PIP5K1B: variants seen among roughly 807,000 people sequenced by gnomAD.
The protein encoded by PIP5K1B is phosphatidylinositol 4-phosphate 5-kinase type-1 beta.
PIP5K1B carries 42 observed loss-of-function variants against 67.0 expected under a neutral mutation model. The ratio of observed to expected loss-of-function variants is 0.63; its 90% CI spans 0.49 to 0.81. The LOEUF (loss-of-function observed/expected upper bound fraction) is 0.81, where lower values mean the gene tolerates loss of function less well. Ranked by LOEUF, PIP5K1B falls within the 30% of genes least tolerant of loss-of-function variation. The pLI is 0.00. For synonymous variants in PIP5K1B, 214 were observed against 231.4 expected (o/e 0.92, Z 0.68); for missense variants, 459 against 646.3 (o/e 0.71, Z 3.14).
intron 4 of PIP5K1B, among the ~76,000 whole-genome samples, chr9:68,846,946 AT>A (rs773305899): frequency 3.7e-4 from 56 of 152,202 alleles, no homozygotes; most frequent in Non-Finnish European, 5.7e-4. Flanking sequence ...TCTTTTATAT[AT>A]CAAGAAAAAA....
chr9:68,807,632 C>T (rs1832942080), intron 2 of PIP5K1B, among the ~76,000 whole-genome samples: 1 of 152,168 alleles, frequency 6.6e-6, no homozygotes, highest in African/African-American at 2.4e-5. Flanking sequence ...CAGGCTGCTA[C>T]AGGAACAAAG....
intron 2 of PIP5K1B, among the ~76,000 whole-genome samples, chr9:68,773,239 C>T (rs1195760689): frequency 6.6e-6 from 1 of 152,216 alleles, no homozygotes; most frequent in Non-Finnish European, 1.5e-5. Context: ...AGTTCCTCCA[C>T]CCCCTTGGCA....
At position 68,935,063 on chromosome 9, in the gene PIP5K1B, T is replaced by C. The variant is rs1371697000; in HGVS notation, c.1357+18T>C. On this transcript the variant is annotated intron_variant, in intron 13 of 15. Transcript: ENST00000265382. ...TGAAGAAGGTAAAGATATGTAACTT[T>C]TTTAAAAAGACAAACGTTCTTGTGA... is the stretch of plus-strand genomic sequence containing the variant. 3 of 1,602,630 alleles carry C rather than the reference T, an allele frequency of 1.9e-6. No individual in the cohort carries two copies. Among genetic ancestry groups the C allele is most frequent in the South Asian group, 1.1e-5 (1 of 89,056 alleles).
chr9:68,907,527 A>T (rs1825675303), intron 8 of PIP5K1B, among the ~76,000 whole-genome samples: 1 of 152,094 alleles, frequency 6.6e-6, no homozygotes, highest in Non-Finnish European at 1.5e-5. Flanking sequence ...ATTTTCCATC[A>T]CTTCTTTTAA....
intron 2 of PIP5K1B, among the ~76,000 whole-genome samples, chr9:68,787,639 CT>C (rs869067830): frequency 7.1e-6 from 1 of 140,464 alleles, no homozygotes; most frequent in Non-Finnish European, 1.6e-5. Context: ...ATCTTTCTTT[CT>C]TTTTTTTTCA....
At chr9:68,817,020 G>A (rs1287587418) in intron 2 of PIP5K1B, among the ~76,000 whole-genome samples, 4 of 152,166 alleles carry the variant, frequency 2.6e-5, no homozygotes, top group Non-Finnish European at 5.9e-5. Context: ...CTAGGACAGA[G>A]CTAATGTTTA....
chr9:68,929,581 T>A (rs1587682550), intron 12 of PIP5K1B, among the ~76,000 whole-genome samples: 1 of 152,146 alleles, frequency 6.6e-6, no homozygotes, highest in African/African-American at 2.4e-5. Context: ...TGGCTTTTGA[T>A]CCCACCACTC....
chr9:68,808,793 T>C (rs1833007282), intron 2 of PIP5K1B, among the ~76,000 whole-genome samples: 1 of 152,220 alleles, frequency 6.6e-6, no homozygotes, highest in Admixed American at 6.5e-5. Context: ...GCCCTGCAAT[T>C]TGTTTTGATT....
At chr9:68,873,657 T>C (rs887410247) in intron 5 of PIP5K1B, among the ~76,000 whole-genome samples, 6 of 152,130 alleles carry the variant, frequency 3.9e-5, no homozygotes, top group African/African-American at 1.4e-4. Context: ...ATGTGAAGTG[T>C]TTGGCTCAGG....
intron 1 of PIP5K1B, among the ~76,000 whole-genome samples, chr9:68,715,470 T>C (rs1002143463): frequency 2.6e-5 from 4 of 152,176 alleles, no homozygotes; most frequent in African/African-American, 9.7e-5. Context: ...CCCTTTGGAA[T>C]GTTCTCAGCA....
rs147940869 is a variant in PIP5K1B, at chr9:68,769,827, G to T, written c.-86+27170G>T. On this transcript the variant is annotated intron_variant, in intron 2 of 15. Transcript: ENST00000265382. ...GCATGACATTGCTTGCTTTCCTCTC[G>T]TTCTTCATGAAAATGCCTAGCAGGG... Among the ~76,000 whole-genome samples, 640 of 152,234 alleles carry T rather than the reference G, an allele frequency of 4.2e-3. 2 individuals carry two copies. Among genetic ancestry groups the T allele is most frequent in the Non-Finnish European group, 6.8e-3 (465 of 68,014 alleles).
chr9:68,792,266 C>T (rs552861621), intron 2 of PIP5K1B, among the ~76,000 whole-genome samples: 168 of 152,216 alleles, frequency 1.1e-3, no homozygotes, highest in Non-Finnish European at 2.1e-3. Flanking sequence ...ATTATAGTTA[C>T]GCAAATTTAT....
intron 12 of PIP5K1B, among the ~76,000 whole-genome samples, chr9:68,924,500 C>T (rs1242822581): frequency 6.6e-6 from 1 of 151,086 alleles, no homozygotes; most frequent in Non-Finnish European, 1.5e-5. Flanking sequence ...GCAAACTAAA[C>T]CCAAAGCTAA....
rs527449391 is a variant in PIP5K1B at position 68,832,450 on chromosome 9, C to T, written c.69+9767C>T. On this transcript the variant is annotated intron_variant, in intron 4 of 15. Transcript: ENST00000265382. Reference sequence around the variant, plus strand: ...TTTTCCTCTATGGGAATCCAGTTCTCCCAAATGGTACACTGTATTTTCTGG... The same window carrying T: ...TTTTCCTCTATGGGAATCCAGTTCTTCCAAATGGTACACTGTATTTTCTGG... Among the ~76,000 whole-genome samples the T allele has an allele frequency of 8.5e-5, 13 of 152,344 alleles. No individual in the cohort carries two copies. The South Asian group carries it at 1.2e-3, about 15-fold the overall frequency.
intron 2 of PIP5K1B, among the ~76,000 whole-genome samples, chr9:68,773,976 C>T (rs1194945239): frequency 6.6e-6 from 1 of 151,990 alleles, no homozygotes; most frequent in Non-Finnish European, 1.5e-5. Context: ...TCTAACAGCC[C>T]ACGCTGAGTT....
Position 68,770,086 on chromosome 9 carries a change from G to A in PIP5K1B, c.-86+27429G>A, listed in dbSNP as rs888029230. Among the ~76,000 whole-genome samples the A allele has an allele frequency of 2.6e-5, 4 of 152,240 alleles. No individual in the cohort carries two copies. In the South Asian group the frequency reaches 6.2e-4, roughly 24 times the overall value. On this transcript the variant is annotated intron_variant, in intron 2 of 15. Coordinates refer to ENST00000265382, the MANE Select transcript of PIP5K1B (RefSeq NM_003558.4). ...CTTATTTCTTCAGCATTTCTCACAA[G>A]TGACCTCTGTCCTTCTTTATGCAAC...
intron 6 of PIP5K1B, among the ~76,000 whole-genome samples, chr9:68,883,515 A>C (rs2132350483): frequency 6.6e-6 from 1 of 152,330 alleles, no homozygotes; most frequent in South Asian, 2.1e-4. Context: ...CTTTATCCTC[A>C]GTATTTTCAA....
intron 6 of PIP5K1B, among the ~76,000 whole-genome samples, chr9:68,878,628 A>T (rs1024124625): frequency 5.3e-5 from 8 of 152,224 alleles, no homozygotes; most frequent in African/African-American, 1.4e-4. Flanking sequence ...TCATAGTTGT[A>T]GGGAAATTCA....
chr9:68,832,497 T>C (rs1834372264), intron 4 of PIP5K1B, among the ~76,000 whole-genome samples: 1 of 152,234 alleles, frequency 6.6e-6, no homozygotes, highest in Non-Finnish European at 1.5e-5. Context: ...TACTGTCTGG[T>C]CCTGTGTCAG....
Sources: allele counts gnomAD v4.1 joint callset (sites outside exome capture counted in the v4.1 genomes callset), GRCh38; gene constraint gnomAD v4.1.1; transcripts MANE v1.5; gene names NCBI Gene and HGNC (gene_info 2026-07-23, HGNC 2026-07-21).